GLRA1: variants seen among roughly 807,000 people sequenced by gnomAD.
GLRA1 encodes the protein glycine receptor alpha 1.
In GLRA1, 37 loss-of-function variants were observed where a neutral mutation model predicts 48.3. The ratio of observed to expected loss-of-function variants is 0.77; its 90% CI spans 0.59 to 1.01. The LOEUF (loss-of-function observed/expected upper bound fraction) is 1.01. Ranked by LOEUF, GLRA1 falls within the 50% of genes least tolerant of loss-of-function variation. The probability of loss-of-function intolerance (pLI) is 0.00; values close to 1 mark genes in which losing one functional copy is unlikely to be tolerated. For missense variants in GLRA1, 427 were observed against 571.0 expected (o/e 0.75, Z 2.57); for synonymous variants, 196 against 210.7 (o/e 0.93, Z 0.60).
At chr5:151,851,262 C>T in intron 7 of GLRA1, 128 bp downstream of exon 7, 1 of 706,604 alleles carries the variant, frequency 1.4e-6, no homozygotes, top group South Asian at 1.6e-5. Flanking sequence ...TCTGCAGGAT[C>T]CTGCAAAGTA....
At chr5:151,892,218 G>A in intron 2 of GLRA1, 93 bp downstream of exon 2, 1 of 1,141,616 alleles carries the variant, frequency 8.8e-7, no homozygotes, top group Non-Finnish European at 1.3e-6. Flanking sequence ...GATTCACACT[G>A]CGTATTTACC....
chr5:151,845,940 AT>A, intron 7 of GLRA1, among the ~76,000 whole-genome samples: 1 of 152,186 alleles, frequency 6.6e-6, no homozygotes, highest in Admixed American at 6.5e-5. Context: ...ATTACACTAA[AT>A]GAAAGAAGCC....
intron 8 of GLRA1, among the ~76,000 whole-genome samples, chr5:151,828,278 A>C (rs1581596718): frequency 6.6e-6 from 1 of 152,190 alleles, no homozygotes; most frequent in South Asian, 2.1e-4. Flanking sequence ...CTGGGGAACT[A>C]GTTATGGACC....
At chr5:151,919,404 T>A (rs193211047) in intron 1 of GLRA1, among the ~76,000 whole-genome samples, 1 of 152,350 alleles carries the variant, frequency 6.6e-6, no homozygotes, top group Admixed American at 6.5e-5. Context: ...TCAGGCATCA[T>A]GTTTTCTCAT....
chr5:151,913,375 G>A (rs1270789305), intron 1 of GLRA1, among the ~76,000 whole-genome samples: 1 of 152,164 alleles, frequency 6.6e-6, no homozygotes, highest in Non-Finnish European at 1.5e-5. Flanking sequence ...GGAGAGTATA[G>A]GGCACAACAT....
At chr5:151,880,407 C>T (rs1753731233) in intron 3 of GLRA1, among the ~76,000 whole-genome samples, 1 of 152,166 alleles carries the variant, frequency 6.6e-6, no homozygotes, top group African/African-American at 2.4e-5. Flanking sequence ...TGTCCATTGC[C>T]CCTTAAAGTC....
chr5:151,859,720 GC>G lies in GLRA1; in HGVS notation c.476+64del. 2.5e-6 allele frequency: 3 copies of G among 1,197,192 alleles called. No individual in the cohort carries two copies. The South Asian group carries it at 3.7e-5, about 15-fold the overall frequency. 74.2% of individuals were successfully genotyped at this position (1,197,192 alleles called of 1,614,324 possible). A position where few individuals can be genotyped will look rare whatever the true frequency, so the allele number is the denominator to read the frequency against. Reference sequence around the variant, plus strand: ...GTTTGGCCCCTCTTTTAGAGTCTATGCCCAGAAGGTAGTGGGGCAAGACATG... The same window carrying G: ...GTTTGGCCCCTCTTTTAGAGTCTATGCCAGAAGGTAGTGGGGCAAGACATG... On this transcript the variant is annotated intron_variant, in intron 4 of 8. Transcript: ENST00000274576.
intron 1 of GLRA1, among the ~76,000 whole-genome samples, chr5:151,914,025 A>G (rs1754679907): frequency 6.6e-6 from 1 of 152,236 alleles, no homozygotes; most frequent in South Asian, 2.1e-4. Context: ...ATATCTCCCT[A>G]TGCTGTTTAA....
intron 1 of GLRA1, among the ~76,000 whole-genome samples, chr5:151,899,477 G>T (rs953087659): frequency 2.6e-5 from 4 of 152,116 alleles, no homozygotes; most frequent in Non-Finnish European, 5.9e-5. Flanking sequence ...GAGGAGTGGT[G>T]GGTGTCCTGG....
At chr5:151,916,239 C>G (rs1023158706) in intron 1 of GLRA1, among the ~76,000 whole-genome samples, 2 of 152,132 alleles carry the variant, frequency 1.3e-5, no homozygotes, top group African/African-American at 4.8e-5. Flanking sequence ...GGATACTAAC[C>G]ATTGTCCTAT....
chr5:151,920,513 C>T (rs1487485686), intron 1 of GLRA1, among the ~76,000 whole-genome samples: 1 of 152,120 alleles, frequency 6.6e-6, no homozygotes, highest in Non-Finnish European at 1.5e-5. Context: ...TGATTCATAA[C>T]TCTATTTACC....
intron 2 of GLRA1, among the ~76,000 whole-genome samples, chr5:151,888,146 T>C (rs1189722107): frequency 6.6e-6 from 1 of 152,170 alleles, no homozygotes; most frequent in Non-Finnish European, 1.5e-5. Context: ...TGAACCAAAG[T>C]TTTCTGATTG....
chr5:151,891,498 T>C (rs1467289435), intron 2 of GLRA1, among the ~76,000 whole-genome samples: 2 of 152,174 alleles, frequency 1.3e-5, no homozygotes, highest in Non-Finnish European at 2.9e-5. Flanking sequence ...CTTGGAATAC[T>C]TGATGCTCTG....
chr5:151,839,410 GA>G (rs1763656714), intron 7 of GLRA1, among the ~76,000 whole-genome samples: 1 of 152,178 alleles, frequency 6.6e-6, no homozygotes, highest in Non-Finnish European at 1.5e-5. Context: ...AAGGACAGTT[GA>G]GTAAATCAAT....
chr5:151,880,576 A>G (rs1053804120), intron 3 of GLRA1, among the ~76,000 whole-genome samples: 1 of 146,950 alleles, frequency 6.8e-6, no homozygotes, highest in South Asian at 2.2e-4. Flanking sequence ...TTCATGCCCA[A>G]AGGATGTCAA....
At chr5:151,853,730 T>G (rs1486846639) in intron 6 of GLRA1, among the ~76,000 whole-genome samples, 1 of 152,196 alleles carries the variant, frequency 6.6e-6, no homozygotes, top group African/African-American at 2.4e-5. Context: ...CTATCTATTG[T>G]TTTTTCATTA....
At chr5:151,841,004 T>G (rs908244777) in intron 7 of GLRA1, among the ~76,000 whole-genome samples, 9 of 152,102 alleles carry the variant, frequency 5.9e-5, no homozygotes, top group Non-Finnish European at 1.3e-4. Flanking sequence ...AATGAAAAAC[T>G]TAATTGACAC....
At chr5:151,866,724 C>T (rs1753345949) in intron 3 of GLRA1, among the ~76,000 whole-genome samples, 1 of 151,994 alleles carries the variant, frequency 6.6e-6, no homozygotes, top group Non-Finnish European at 1.5e-5. Context: ...CATTTGTATA[C>T]TTAAAGAATT....
chr5:151,839,155 G>T (rs140553500), intron 7 of GLRA1, among the ~76,000 whole-genome samples: 2 of 152,302 alleles, frequency 1.3e-5, no homozygotes, highest in East Asian at 3.9e-4. Context: ...CAAGAATTCT[G>T]TATCCCTTAA....
Sources: gnomAD v4.1 joint callset for allele counts (sites outside exome capture counted in the v4.1 genomes callset) on GRCh38, gnomAD v4.1.1 for gene constraint, MANE v1.5 for transcripts, NCBI Gene and HGNC (gene_info 2026-07-23, HGNC 2026-07-21) for gene names.